The following TTN variants were observed in gnomAD, a reference collection of about 807,000 sequenced individuals.
TTN encodes the protein connectin.
In TTN, 1,525 loss-of-function variants were observed where a neutral mutation model predicts 3,223.0. The observed-to-expected ratio is 0.47, with a 90% CI of 0.45 to 0.49. The LOEUF is 0.49. Ranked by LOEUF, TTN falls within the 20% of genes least tolerant of loss-of-function variation. The probability of loss-of-function intolerance (pLI) is 0.00; values close to 1 mark genes in which losing one functional copy is unlikely to be tolerated. For missense variants in TTN, 40,786 were observed against 43,424.0 expected, an observed-to-expected ratio of 0.94 and a Z score of 5.40; for synonymous variants, 14,094 against 15,161.0, an observed-to-expected ratio of 0.93 and a Z score of 5.17.
In TTN at chr2:178,610,369, C is replaced by G. The variant is rs1454197786; in HGVS notation, c.51157G>C (p.Asp17053His). 1.2e-6 allele frequency: 2 copies of G among 1,612,488 alleles called. No individual in the cohort carries two copies. Among genetic ancestry groups the G allele is most frequent in the Non-Finnish European group, 1.7e-6 (2 of 1,179,122 alleles). ...TTGGTAATGTCACTTGCTTTAATATCTTTGCATGGTCCAGGTAGGCCTATT... is the reference window on the plus strand; with the variant it reads ...TTGGTAATGTCACTTGCTTTAATATGTTTGCATGGTCCAGGTAGGCCTATT... Reference protein sequence around the residue: ...KVIGLPGPCKDIKASDITKSS... With the variant: ...KVIGLPGPCKHIKASDITKSS... The change falls in exon 271 of 363, where the codon GAT (aspartate) becomes CAT (histidine). Residue 17053 changes from aspartate to histidine, a missense_variant. Coordinates refer to ENST00000589042, the MANE Select transcript of TTN (RefSeq NM_001267550.2).
At chr2:178,587,091 A>G (rs763868470) in intron 307 of TTN, 27 bp downstream of exon 307, 1 of 1,611,768 alleles carries the variant, frequency 6.2e-7, no homozygotes, top group Admixed American at 1.7e-5. Context: ...ACTGGGGTTA[A>G]AAGGAGGAAG....
rs368312810 is a variant in TTN at position 178,539,558 on chromosome 2, C to T, written c.98507G>A (p.Arg32836Gln). 1.1e-5 allele frequency: 18 copies of T among 1,613,686 alleles called. No homozygotes were observed. The highest frequency in any genetic ancestry group is 1.6e-4 in the Middle Eastern group (1 of 6,080). The change falls in exon 352 of 363, where the codon CGA (arginine) becomes CAA (glutamine). Residue 32836 changes from arginine to glutamine, a missense_variant. Coordinates refer to ENST00000589042, the MANE Select transcript of TTN (RefSeq NM_001267550.2). Reference protein sequence around the residue: ...ADILGYILERREVPKAAWYTI... With the variant: ...ADILGYILERQEVPKAAWYTI... ...ATACCAGGCGGCTTTAGGCACTTCT[C>T]GTCTCTCGAGGATGTAGCCTAAGAT...
At chr2:178,650,904 TC>T in intron 208 of TTN, 70 bp from the exon 209 acceptor site, 1 of 1,473,486 alleles carries the variant, frequency 6.8e-7, no homozygotes, top group South Asian at 1.2e-5. Context: ...CACATCGACT[TC>T]ACATTTTGCT....
chr2:178,601,170 A>T lies in TTN; in HGVS notation c.55734T>A (p.Tyr18578Ter), dbSNP rs2154192691. ...IQRTTARDPIYPPDPPIKLKI... is the reference protein window; with the variant it reads ...IQRTTARDPI ...TGAGTTTAATAGGAGGATCAGGAGGATCTGTAAAAATAATTAAAGGAAGTA... is the reference window on the plus strand; with the variant it reads ...TGAGTTTAATAGGAGGATCAGGAGGTTCTGTAAAAATAATTAAAGGAAGTA... The change falls in exon 288 of 363, where the codon TAT (tyrosine) becomes TAA (stop). Residue 18578 changes from tyrosine (Y) to a stop codon, truncating the protein, a stop_gained and splice_region_variant. Transcript: ENST00000589042. LOFTEE classifies it high-confidence loss of function. 1 of 1,524,274 alleles carries T rather than the reference A, an allele frequency of 6.6e-7. No individual in the cohort carries two copies. The highest frequency in any genetic ancestry group is 8.8e-7 in the Non-Finnish European group (1 of 1,140,092). 94.4% of individuals were successfully genotyped at this position (1,524,274 alleles called of 1,614,324 possible). A position where few individuals can be genotyped will look rare whatever the true frequency, so the allele number is the denominator to read the frequency against.
chr2:178,602,447 A>C lies in TTN; in HGVS notation c.54955T>G (p.Trp18319Gly). Reference protein sequence around the residue: ...VEMQEEGTTDWKRVNEPDKLI... With the variant: ...VEMQEEGTTDGKRVNEPDKLI... ...TTGTCTGGTTCATTTACTCTTTTCC[A>C]GTCAGTAGTACCTTCTTCTTGCATT... Residue 18319 changes from tryptophan (W) to glycine (G), a missense_variant, in exon 283 of 363, where the codon TGG (tryptophan) becomes GGG (glycine). Physicochemically the swap from Trp to Gly is radical, Grantham distance 184. Transcript: ENST00000589042. The C allele has an allele frequency of 6.2e-7, 1 of 1,612,510 alleles. No homozygotes were observed. The highest frequency in any genetic ancestry group is 8.5e-7 in the Non-Finnish European group (1 of 1,179,176).
In TTN at chr2:178,539,755, A is replaced by G. The variant is rs1693462166; in HGVS notation, c.98310T>C (p.Ser32770=). Residue 32770 remains serine (S), a synonymous_variant, in exon 352 of 363, where the codon TCT becomes TCC. Coordinates refer to ENST00000589042, the MANE Select transcript of TTN (RefSeq NM_001267550.2). ...LVIKEADRGD[S]GTYDLVLENK... The stretch of plus-strand genomic sequence containing the variant: ...TTTCCAGAACCAGGTCATAAGTGCC[A>G]GAATCACCCCTGTCTGCTTCTTTGA... The G allele has an allele frequency of 8.7e-6, 14 of 1,613,854 alleles. No individual in the cohort carries two copies. Among genetic ancestry groups the G allele is most frequent in the Non-Finnish European group, 1.2e-5 (14 of 1,179,778 alleles).
At position 178,677,602 on chromosome 2, in the gene TTN, C is replaced by G. The variant is rs757801148; in HGVS notation, c.34291+19G>C. On this transcript the variant is annotated intron_variant, in intron 146 of 362. Coordinates refer to ENST00000589042, the MANE Select transcript of TTN (RefSeq NM_001267550.2). ...CAACACAAAAGAGGCCTTGATGATT[C>G]CAAGAAGAGCTGCTATACCTGGTGC... is the stretch of plus-strand genomic sequence containing the variant. 2.5e-6 allele frequency: 4 copies of G among 1,587,892 alleles called. No individual in the cohort carries two copies. The highest frequency in any genetic ancestry group is 3.4e-6 in the Non-Finnish European group (4 of 1,169,060).
In TTN at chr2:178,776,886, A is replaced by C; in HGVS notation, c.4978T>G (p.Leu1660Val). The stretch of plus-strand genomic sequence containing the variant: ...CTATATGTCCCCCGTGGGATGATTA[A>C]CTTTCTCTCTGGCTCAGGCTCTGCA... The part of the protein sequence containing the change: ...EFAEPEPERK[L>V]IIPRGTYRAK... The change falls in exon 28 of 363, where the codon TTA becomes GTA. Residue 1660 changes from leucine (L) to valine (V), a missense_variant. Transcript: ENST00000589042. The C allele has an allele frequency of 6.2e-7, 1 of 1,612,822 alleles. No homozygotes were observed. Among genetic ancestry groups the C allele is most frequent in the Non-Finnish European group, 8.5e-7 (1 of 1,179,514 alleles).
intron 213 of TTN, 55 bp downstream of exon 213, chr2:178,649,193 A>T: frequency 1.5e-6 from 2 of 1,293,510 alleles, no homozygotes; most frequent in Non-Finnish European, 2.1e-6. Flanking sequence ...AAGACCTATT[A>T]TTAACATGCT....
chr2:178,559,574 G>A lies in TTN; in HGVS notation c.86558C>T (p.Thr28853Ile), dbSNP rs769730805. The change falls in exon 326 of 363, where the codon ACT becomes ATT. Residue 28853 changes from threonine to isoleucine, a missense_variant. Transcript: ENST00000589042. Reference sequence around the variant, plus strand: ...AGACTCTTTGGTTACATCTTGCACAGTAATGTTGGTTGGAGGACCTGGGGT... The same window carrying A: ...AGACTCTTTGGTTACATCTTGCACAATAATGTTGGTTGGAGGACCTGGGGT... ...LDTPGPPTNI[T>I]VQDVTKESAV... 2 of 1,613,854 alleles carry A rather than the reference G, an allele frequency of 1.2e-6. No individual in the cohort carries two copies. The highest frequency in any genetic ancestry group is 3.3e-5 in the Admixed American group (2 of 60,018).
chr2:178,562,670 G>C lies in TTN; in HGVS notation c.83462C>G (p.Thr27821Ser). ...KAYATITNNC[T>S]KTTFRIENLQ... ...ATTTTCAATTCTGAAAGTAGTTTTAGTGCAATTATTTGTAATGGTAGCATA... is the reference window on the plus strand; with the variant it reads ...ATTTTCAATTCTGAAAGTAGTTTTACTGCAATTATTTGTAATGGTAGCATA... Residue 27821 changes from threonine to serine, a missense_variant, in exon 326 of 363, where the codon ACT becomes AGT. Coordinates refer to ENST00000589042, the MANE Select transcript of TTN (RefSeq NM_001267550.2). The C allele has an allele frequency of 6.3e-7, 1 of 1,596,428 alleles. No homozygotes were observed. Among genetic ancestry groups the C allele is most frequent in the African/African-American group, 1.4e-5 (1 of 73,948 alleles).
In TTN at chr2:178,625,132, T is replaced by G. The variant is rs1484552878; in HGVS notation, c.44548+141A>C. The G allele has an allele frequency of 3.3e-5, 41 of 1,239,312 alleles. No homozygotes were observed. The East Asian group carries it at 1.1e-3, about 33-fold the overall frequency. 76.8% of individuals were successfully genotyped at this position (1,239,312 alleles called of 1,614,324 possible). On this transcript the variant is annotated intron_variant, in intron 241 of 362. Coordinates refer to ENST00000589042, the MANE Select transcript of TTN (RefSeq NM_001267550.2). Reference sequence around the variant, plus strand: ...AGATAGTCTGTGAATTATTTTGTTATGCTAAAAAGTAAAATCAGACTTTTG... The same window carrying G: ...AGATAGTCTGTGAATTATTTTGTTAGGCTAAAAAGTAAAATCAGACTTTTG...
chr2:178,602,220 AAATT>A lies in TTN; in HGVS notation c.55120+58_55120+61del. On this transcript the variant is annotated intron_variant, in intron 283 of 362. Coordinates refer to ENST00000589042, the MANE Select transcript of TTN (RefSeq NM_001267550.2). ...CAAAAGTAATTGAAATATCTTCAGTAAATTAATCAATTTCATAATAAGATCAAAA... is the reference window on the plus strand; with the variant it reads ...CAAAAGTAATTGAAATATCTTCAGTAAATCAATTTCATAATAAGATCAAAA... 20 of 1,595,930 alleles carry A rather than the reference AAATT, an allele frequency of 1.3e-5. No individual in the cohort carries two copies. In the South Asian group the frequency reaches 2.2e-4, roughly 17 times the overall value.
chr2:178,680,697 T>TA (rs1017198114), intron 138 of TTN, among the ~76,000 whole-genome samples: 1 of 151,936 alleles, frequency 6.6e-6, no homozygotes, highest in African/African-American at 2.4e-5. Context: ...TGGTTAGCTT[T>TA]AAAAAAAATC....
At position 178,671,090 on chromosome 2, in the gene TTN, C is replaced by A; in HGVS notation, c.35308G>T (p.Val11770Leu). Residue 11770 changes from valine (V) to leucine (L), a missense_variant and splice_region_variant, in exon 156 of 363, where the codon GTA becomes TTA. Val to Leu is a conservative substitution (Grantham distance 32). Transcript: ENST00000589042. ...TAGTAATTTTTCACAAAGAAGATAC[C>A]TTTAGCTGGTGGCTCTTTTCGAGGA... ...VVPRKEPPAK[V>L]PEVPKKIVVE... is the part of the protein sequence containing the mutation. The A allele has an allele frequency of 6.2e-7, 1 of 1,601,386 alleles. No homozygotes were observed. The highest frequency in any genetic ancestry group is 8.5e-7 in the Non-Finnish European group (1 of 1,174,770).
rs2050344523 is a variant in TTN, at chr2:178,592,126, A to G, written c.59778T>C (p.Pro19926=). Residue 19926 remains proline (P), a synonymous_variant, in exon 302 of 363, where the codon CCT becomes CCC. Transcript: ENST00000589042. ...TCTTTTTCTTTGATGTAGCTGAGAG[A>G]GGTGACCACTGGGCGCTGGCAACAT... ...RRDVASAQWS[P]LSATSKKKSH... The G allele has an allele frequency of 6.2e-7, 1 of 1,612,860 alleles. No individual in the cohort carries two copies. The highest frequency in any genetic ancestry group is 8.5e-7 in the Non-Finnish European group (1 of 1,179,468).
Position 178,741,117 on chromosome 2 carries a change from G to A in TTN, c.12116C>T (p.Pro4039Leu), listed in dbSNP as rs752422428. 1 of 1,613,726 alleles carries A rather than the reference G, an allele frequency of 6.2e-7. No homozygotes were observed. The highest frequency in any genetic ancestry group is 1.1e-5 in the South Asian group (1 of 91,076). ...CTCTGGTGTGGACTTTGCTTTGCAG[G>A]GGGTATCAGTCATGTCTGTGTCTTC... ...LLEDTDMTDT[P>L]CKAKSTPEAP... is the part of the protein sequence containing the mutation. Residue 4039 changes from proline (P) to leucine (L), a missense_variant, in exon 48 of 363, where the codon CCC becomes CTC. Pro to Leu is a moderately conservative substitution (Grantham distance 98). Coordinates refer to ENST00000589042, the MANE Select transcript of TTN (RefSeq NM_001267550.2).
rs753468403 is a variant in TTN, at chr2:178,592,974, A to G, written c.59145T>C (p.Tyr19715=). ...RHDGGSKILG[Y]IVEYQKVGDE... is the part of the protein sequence containing the mutation. ...CTCCAACTTTCTGGTACTCAACAATATAACCCAGAATCTTGCTCCCACCAT... is the reference window on the plus strand; with the variant it reads ...CTCCAACTTTCTGGTACTCAACAATGTAACCCAGAATCTTGCTCCCACCAT... Residue 19715 remains tyrosine, a synonymous_variant, in exon 300 of 363, where the codon TAT becomes TAC. Coordinates refer to ENST00000589042, the MANE Select transcript of TTN (RefSeq NM_001267550.2). The G allele has an allele frequency of 1.9e-6, 3 of 1,613,418 alleles. No individual in the cohort carries two copies. The highest frequency in any genetic ancestry group is 3.3e-5 in the Admixed American group (2 of 59,960).
intron 47 of TTN, chr2:178,750,262 G>C: frequency 6.2e-7 from 1 of 1,613,204 alleles, no homozygotes; most frequent in Non-Finnish European, 8.5e-7. Context: ...GGAACACTGG[G>C]ACTTTATGTG....
Sources: allele counts gnomAD v4.1 joint callset (sites outside exome capture counted in the v4.1 genomes callset), GRCh38; gene constraint gnomAD v4.1.1; transcripts MANE v1.5; gene names NCBI Gene and HGNC (gene_info 2026-07-23, HGNC 2026-07-21).